The following CDH13 variants were observed in gnomAD, a reference collection of about 807,000 sequenced individuals.
CDH13 encodes the protein cadherin 13, also known as cadherin-13.
In CDH13, 24 loss-of-function variants were observed where a neutral mutation model predicts 63.8. That is an observed-to-expected ratio of 0.38 (90% confidence interval 0.27 to 0.53). The LOEUF (loss-of-function observed/expected upper bound fraction) is 0.53. Ranked by LOEUF, CDH13 falls within the 20% of genes least tolerant of loss-of-function variation. The pLI, the probability that CDH13 is intolerant of heterozygous loss-of-function variation, is 0.85. For synonymous variants in CDH13, 503 were observed against 355.3 expected (o/e 1.42, Z -4.67); for missense variants, 1,049 against 903.1 (o/e 1.16, Z -2.07).
chr16:83,255,462 A>T (rs1191283012), intron 5 of CDH13, among the ~76,000 whole-genome samples: 1 of 152,198 alleles, frequency 6.6e-6, no homozygotes, highest in Non-Finnish European at 1.5e-5. Context: ...GAGCATATTC[A>T]GTGATTTGGC....
At chr16:83,033,610 G>A (rs1916581738) in intron 3 of CDH13, among the ~76,000 whole-genome samples, 1 of 152,158 alleles carries the variant, frequency 6.6e-6, no homozygotes. Flanking sequence ...AGGCAGCAGT[G>A]CTTGTTCCCT....
intron 1 of CDH13, among the ~76,000 whole-genome samples, chr16:82,781,121 G>A (rs1237927955): frequency 6.6e-6 from 1 of 152,202 alleles, no homozygotes; most frequent in African/African-American, 2.4e-5. Context: ...AGGTTCACTT[G>A]AGGTATCATT....
chr16:83,544,519 A>G (rs1204102288), intron 7 of CDH13, among the ~76,000 whole-genome samples: 3 of 152,326 alleles, frequency 2.0e-5, no homozygotes, highest in South Asian at 2.1e-4. Flanking sequence ...ACAGTATTCA[A>G]TAAATTACAT....
intron 6 of CDH13, among the ~76,000 whole-genome samples, chr16:83,439,088 T>A (rs2072407495): frequency 6.6e-6 from 1 of 152,208 alleles, no homozygotes; most frequent in Admixed American, 6.5e-5. Context: ...CTTCTTCCAA[T>A]AGCTATGTGA....
intron 1 of CDH13, among the ~76,000 whole-genome samples, chr16:82,739,752 G>A (rs576724924): frequency 6.6e-6 from 1 of 152,120 alleles, no homozygotes; most frequent in South Asian, 2.1e-4. Flanking sequence ...ATATTAGCAA[G>A]TTAAAAAAAA....
chr16:83,679,200 C>A (rs758962098), intron 10 of CDH13, among the ~76,000 whole-genome samples: 5 of 152,208 alleles, frequency 3.3e-5, no homozygotes, highest in Non-Finnish European at 7.3e-5. Flanking sequence ...TAAATGGTCG[C>A]TATCCACCCG....
At chr16:83,434,622 G>C (rs780250735) in intron 6 of CDH13, among the ~76,000 whole-genome samples, 3 of 151,850 alleles carry the variant, frequency 2.0e-5, no homozygotes, top group Admixed American at 6.6e-5. Context: ...GCCACAGTGA[G>C]ATACCAATCA....
At chr16:83,261,303 C>T (rs532640840) in intron 5 of CDH13, among the ~76,000 whole-genome samples, 57 of 152,266 alleles carry the variant, frequency 3.7e-4, no homozygotes, top group Middle Eastern at 3.4e-3. Context: ...ATTACCGATA[C>T]GTTAACTTCA....
chr16:83,551,419 C>G (rs976714776), intron 7 of CDH13, among the ~76,000 whole-genome samples: 1 of 152,198 alleles, frequency 6.6e-6, no homozygotes, highest in African/African-American at 2.4e-5. Context: ...TTTACATAGT[C>G]AAAGTCAACA....
intron 1 of CDH13, among the ~76,000 whole-genome samples, chr16:82,765,989 G>C (rs2035040802): frequency 6.6e-6 from 1 of 152,160 alleles, no homozygotes; most frequent in Non-Finnish European, 1.5e-5. Context: ...CTACCCCAAA[G>C]TCCAAGCTTA....
chr16:82,890,489 T>A (rs776610449), intron 2 of CDH13, among the ~76,000 whole-genome samples: 3 of 152,182 alleles, frequency 2.0e-5, no homozygotes, highest in Non-Finnish European at 1.5e-5. Flanking sequence ...CAGAATCTCA[T>A]TGGTGTCAGC....
intron 8 of CDH13, among the ~76,000 whole-genome samples, chr16:83,618,946 A>G (rs962499626): frequency 3.3e-5 from 5 of 152,146 alleles, no homozygotes; most frequent in African/African-American, 1.2e-4. Flanking sequence ...GCAAACTACT[A>G]TCTATTTCAG....
intron 6 of CDH13, among the ~76,000 whole-genome samples, chr16:83,459,014 A>G (rs2073100232): frequency 6.6e-6 from 1 of 152,228 alleles, no homozygotes; most frequent in Non-Finnish European, 1.5e-5. Flanking sequence ...TAACATCTTA[A>G]CTGTCAATTC....
intron 1 of CDH13, among the ~76,000 whole-genome samples, chr16:82,712,146 T>A (rs1054163014): frequency 3.3e-5 from 5 of 152,188 alleles, no homozygotes; most frequent in Admixed American, 3.3e-4. Context: ...CTGCCTTTCA[T>A]CTATTGAATG....
intron 7 of CDH13, among the ~76,000 whole-genome samples, chr16:83,544,647 G>A (rs1185246280): frequency 6.6e-6 from 1 of 152,108 alleles, no homozygotes; most frequent in Admixed American, 6.5e-5. Flanking sequence ...TTCAAAATTT[G>A]AAATACAGTT....
chr16:82,937,369 T>C (rs571589353), intron 2 of CDH13, among the ~76,000 whole-genome samples: 114 of 152,204 alleles, frequency 7.5e-4, no homozygotes, highest in African/African-American at 2.6e-3. Flanking sequence ...ATTTTTTCTT[T>C]GTCTCTCTGT....
chr16:83,243,423 A>G (rs1010119289), intron 5 of CDH13, among the ~76,000 whole-genome samples: 2 of 152,140 alleles, frequency 1.3e-5, no homozygotes, highest in Non-Finnish European at 2.9e-5. Context: ...CTTATTAACT[A>G]TCATGAGAAC....
chr16:83,381,760 C>T (rs572550944), intron 6 of CDH13, among the ~76,000 whole-genome samples: 5 of 152,120 alleles, frequency 3.3e-5, no homozygotes, highest in African/African-American at 1.2e-4. Context: ...CACCTTCCTT[C>T]CTTTACTAGA....
chr16:83,619,494 C>G (rs1220014061), intron 8 of CDH13, among the ~76,000 whole-genome samples: 1 of 152,228 alleles, frequency 6.6e-6, no homozygotes. Context: ...GCTCTGGAGG[C>G]AGAAGTCCAA....
Sources: gnomAD v4.1 joint callset for allele counts (sites outside exome capture counted in the v4.1 genomes callset) on GRCh38, gnomAD v4.1.1 for gene constraint, MANE v1.5 for transcripts, NCBI Gene and HGNC (gene_info 2026-07-23, HGNC 2026-07-21) for gene names.